Variants in HPSE2 observed in about 807,000 individuals in gnomAD.
HPSE2 encodes the protein inactive heparanase-2.
In HPSE2, 38 loss-of-function variants were observed where a neutral mutation model predicts 60.5. That is an observed-to-expected ratio of 0.63 (90% CI 0.48 to 0.82). The LOEUF is 0.82. HPSE2 is among the 40% of genes least tolerant of loss of function. HPSE2 has a pLI of 0.00. For missense variants in HPSE2, 713 were observed against 740.4 expected, an observed-to-expected ratio of 0.96 and a Z score of 0.43; for synonymous variants, 295 against 293.2, an observed-to-expected ratio of 1.01 and a Z score of -0.06.
intron 11 of HPSE2, among the ~76,000 whole-genome samples, chr10:98,477,822 T>G (rs956468685): frequency 1.3e-5 from 2 of 152,076 alleles, no homozygotes; most frequent in African/African-American, 2.4e-5. Context: ...GAGTGGTGGG[T>G]GAGCATTACC....
At chr10:98,818,443 G>T (rs1469213508) in intron 3 of HPSE2, among the ~76,000 whole-genome samples, 1 of 152,110 alleles carries the variant, frequency 6.6e-6, no homozygotes, top group African/African-American at 2.4e-5. Context: ...CTGCTGATCT[G>T]ATAGAAGGCA....
At chr10:99,145,313 C>T (rs1201460548) in intron 2 of HPSE2, among the ~76,000 whole-genome samples, 1 of 151,924 alleles carries the variant, frequency 6.6e-6, no homozygotes, top group East Asian at 1.9e-4. Context: ...AAAAACTAGT[C>T]GGGTGTGGTG....
At chr10:98,488,528 T>C (rs529840918) in intron 10 of HPSE2, among the ~76,000 whole-genome samples, 3 of 152,352 alleles carry the variant, frequency 2.0e-5, no homozygotes, top group African/African-American at 7.2e-5. Context: ...AGGAGGCTTC[T>C]ATGAGGAGAC....
At chr10:99,057,567 C>A (rs138144794) in intron 3 of HPSE2, among the ~76,000 whole-genome samples, 50 of 152,244 alleles carry the variant, frequency 3.3e-4, no homozygotes, top group African/African-American at 1.2e-3. Context: ...TCAAAAAATG[C>A]CTATAAGCTT....
At chr10:98,522,615 C>T (rs1043366874) in intron 9 of HPSE2, among the ~76,000 whole-genome samples, 1 of 152,156 alleles carries the variant, frequency 6.6e-6, no homozygotes, top group Non-Finnish European at 1.5e-5. Context: ...GCTGGGATTA[C>T]AGGCGCCCAC....
chr10:98,579,644 A>G (rs1944738646), intron 9 of HPSE2, among the ~76,000 whole-genome samples: 1 of 152,176 alleles, frequency 6.6e-6, no homozygotes. Flanking sequence ...TCCAAGGCTG[A>G]TAATATTTGT....
At chr10:99,178,790 A>G (rs960434961) in intron 2 of HPSE2, among the ~76,000 whole-genome samples, 20 of 152,226 alleles carry the variant, frequency 1.3e-4, no homozygotes, top group African/African-American at 4.6e-4. Context: ...TCATTCTGAT[A>G]CCAAAACCTG....
At chr10:98,954,471 G>C (rs1055552219) in intron 3 of HPSE2, among the ~76,000 whole-genome samples, 2 of 152,156 alleles carry the variant, frequency 1.3e-5, no homozygotes, top group African/African-American at 4.8e-5. Context: ...ATTAACACTT[G>C]TGAGAGTTAA....
chr10:99,227,928 T>C (rs1849528473), intron 2 of HPSE2, among the ~76,000 whole-genome samples: 1 of 149,370 alleles, frequency 6.7e-6, no homozygotes, highest in Non-Finnish European at 1.5e-5. Context: ...TAAAATTAAA[T>C]GGCAAAACAA....
intron 3 of HPSE2, among the ~76,000 whole-genome samples, chr10:98,812,275 A>G (rs1198023231): frequency 6.6e-6 from 1 of 152,158 alleles, no homozygotes; most frequent in Non-Finnish European, 1.5e-5. Flanking sequence ...TACCCATAAG[A>G]GATTATCTGG....
At chr10:98,967,606 T>G (rs1003421440) in intron 3 of HPSE2, among the ~76,000 whole-genome samples, 6 of 152,130 alleles carry the variant, frequency 3.9e-5, no homozygotes, top group African/African-American at 1.4e-4. Context: ...TACAAATAAC[T>G]CAAACCAGCT....
intron 3 of HPSE2, among the ~76,000 whole-genome samples, chr10:99,125,317 G>A (rs920814600): frequency 6.6e-6 from 1 of 152,182 alleles, no homozygotes; most frequent in Non-Finnish European, 1.5e-5. Flanking sequence ...CTGTGTCTAC[G>A]ATTGGTCCTT....
At position 98,869,854 on chromosome 10, in the gene HPSE2, T is replaced by C. The variant is rs1042725006; in HGVS notation, c.611-125798A>G. Among the ~76,000 whole-genome samples, 19 of 152,266 alleles carry C rather than the reference T, an allele frequency of 1.2e-4. 1 individual carries two copies. The Middle Eastern group carries it at 0.014, about 110-fold the overall frequency. On this transcript the variant is annotated intron_variant, in intron 3 of 11. Coordinates refer to ENST00000370552, the MANE Select transcript of HPSE2 (RefSeq NM_021828.5). The stretch of plus-strand genomic sequence containing the variant: ...TGTATTGAGAGGCATACTGTCAAAG[T>C]CTATTATTCAATTATTACAATAGGA...
intron 3 of HPSE2, among the ~76,000 whole-genome samples, chr10:98,949,612 T>C (rs1240413026): frequency 1.3e-5 from 2 of 152,188 alleles, no homozygotes; most frequent in African/African-American, 2.4e-5. Context: ...CACCCCTTTC[T>C]GAAGTTACCT....
At chr10:98,651,293 CAGAA>C (rs775172629) in intron 6 of HPSE2, among the ~76,000 whole-genome samples, 15 of 151,380 alleles carry the variant, frequency 9.9e-5, no homozygotes, top group Admixed American at 3.3e-4. Context: ...TTAAAAGAAA[CAGAA>C]AGAGATTGAG....
chr10:98,930,047 C>T (rs1376239294), intron 3 of HPSE2, among the ~76,000 whole-genome samples: 4 of 143,348 alleles, frequency 2.8e-5, no homozygotes, highest in East Asian at 2.0e-4. Context: ...CATAGGTAAA[C>T]GTGTGTCATG....
chr10:98,495,034 C>A (rs890433176), intron 9 of HPSE2, among the ~76,000 whole-genome samples: 6 of 152,120 alleles, frequency 3.9e-5, no homozygotes, highest in Non-Finnish European at 8.8e-5. Context: ...TTGCAACAAG[C>A]AGGACTCCCT....
At chr10:98,909,857 T>C (rs887351530) in intron 3 of HPSE2, among the ~76,000 whole-genome samples, 9 of 152,072 alleles carry the variant, frequency 5.9e-5, no homozygotes, top group African/African-American at 2.4e-5. Flanking sequence ...ATACTCGTGA[T>C]GGAATATTAG....
chr10:99,123,179 C>A (rs1845027346), intron 3 of HPSE2, among the ~76,000 whole-genome samples: 1 of 151,914 alleles, frequency 6.6e-6, no homozygotes, highest in Non-Finnish European at 1.5e-5. Context: ...TAGATTATAT[C>A]CAGAGTGAAA....
Sources: allele counts gnomAD v4.1 joint callset (sites outside exome capture counted in the v4.1 genomes callset), GRCh38; gene constraint gnomAD v4.1.1; transcripts MANE v1.5; gene names NCBI Gene and HGNC (gene_info 2026-07-23, HGNC 2026-07-21).